Variants in PCDHGA2 observed in about 807,000 individuals in gnomAD.
PCDHGA2 encodes the protein protocadherin gamma subfamily A, 2.
Under a neutral mutation model 59.2 loss-of-function variants are expected in PCDHGA2, and 40 were observed. The ratio of observed to expected loss-of-function variants is 0.68; its 90% CI spans 0.52 to 0.88. The LOEUF (loss-of-function observed/expected upper bound fraction) is 0.88. PCDHGA2 is among the 40% of genes least tolerant of loss of function. The pLI is 0.00. For synonymous variants in PCDHGA2, 560 were observed against 526.0 expected, an observed-to-expected ratio of 1.06 and a Z score of -0.89; for missense variants, 1,226 against 1,204.0, an observed-to-expected ratio of 1.02 and a Z score of -0.27.
At position 141,414,719 on chromosome 5, in the gene PCDHGA2, C is replaced by T. The variant is rs1361757630; in HGVS notation, c.2424+73324C>T. On this transcript the variant is annotated intron_variant, in intron 1 of 3. Transcript: ENST00000394576. ...TCATACATATCCATCAACTCAGACA[C>T]TGGCGTCCTGTATGCACTCAGATCC... The T allele has an allele frequency of 1.2e-6, 2 of 1,614,050 alleles. No individual in the cohort carries two copies. Among genetic ancestry groups the T allele is most frequent in the African/African-American group, 1.3e-5 (1 of 74,934 alleles).
intron 1 of PCDHGA2, chr5:141,370,674 G>A: frequency 1.9e-6 from 3 of 1,613,890 alleles, no homozygotes; most frequent in South Asian, 1.1e-5. Flanking sequence ...AGACCGAGAG[G>A]AGATTTGTGG....
At chr5:141,424,698 T>G (rs1214214315) in intron 1 of PCDHGA2, 1 of 152,228 alleles carries the variant, frequency 6.6e-6, no homozygotes, top group Non-Finnish European at 1.5e-5. Context: ...GCTATTTTTT[T>G]GTTCATTTTC....
intron 1 of PCDHGA2, chr5:141,402,792 A>G (rs947158745): frequency 1.4e-5 from 14 of 1,008,956 alleles, no homozygotes; most frequent in Admixed American, 3.1e-5. Flanking sequence ...CTGCGGCTAC[A>G]CAAAACCCGG....
At chr5:141,415,828 G>A (rs1178303711) in intron 1 of PCDHGA2, 4 of 1,293,274 alleles carry the variant, frequency 3.1e-6, no homozygotes, top group Non-Finnish European at 3.0e-6. Flanking sequence ...ATAAGGCTTT[G>A]TTATGATTAG....
chr5:141,510,272 TAAA>T (rs546154379), intron 3 of PCDHGA2, among the ~76,000 whole-genome samples: 2 of 130,370 alleles, frequency 1.5e-5, no homozygotes, highest in Non-Finnish European at 3.3e-5. Context: ...GACTCCATCT[TAAA>T]AAAAAAAAAA....
At position 141,364,632 on chromosome 5, in the gene PCDHGA2, T is replaced by C. The variant is rs377270205; in HGVS notation, c.2424+23237T>C. The C allele has an allele frequency of 1.1e-5, 17 of 1,614,024 alleles. No homozygotes were observed. The African/African-American group carries it at 2.3e-4, about 22-fold the overall frequency. Reference sequence around the variant, plus strand: ...GAGGAGCTCTGCGCTCAGAGCCCACTGTGTGTGGTGAACTTTAACATCTTG... The same window carrying C: ...GAGGAGCTCTGCGCTCAGAGCCCACCGTGTGTGGTGAACTTTAACATCTTG... On this transcript the variant is annotated intron_variant, in intron 1 of 3. Coordinates refer to ENST00000394576, the MANE Select transcript of PCDHGA2 (RefSeq NM_018915.4).
chr5:141,418,478 G>C (rs777772131), intron 1 of PCDHGA2: 1 of 1,613,976 alleles, frequency 6.2e-7, no homozygotes, highest in Non-Finnish European at 8.5e-7. Context: ...AACGCAGAGC[G>C]CTCACCACTT....
At chr5:141,510,824 A>G (rs947400590) in intron 3 of PCDHGA2, 123 bp from the exon 4 acceptor site, 2 of 1,563,416 alleles carry the variant, frequency 1.3e-6, no homozygotes, top group Non-Finnish European at 1.7e-6. Flanking sequence ...CTATATTCCC[A>G]GTGCTCAGCG....
At chr5:141,365,192 A>G (rs1163553261) in intron 1 of PCDHGA2, 2 of 1,613,812 alleles carry the variant, frequency 1.2e-6, no homozygotes, top group African/African-American at 2.7e-5. Context: ...AGAAGAAAAA[A>G]TTTCGGAGAC....
In PCDHGA2 at chr5:141,500,938, G is replaced by A. The variant is rs1317178701; in HGVS notation, c.2484-4455G>A. On this transcript the variant is annotated intron_variant, in intron 2 of 3. Transcript: ENST00000394576. Reference sequence around the variant, plus strand: ...GGCTGGGGTGCAGTGGCGCCATCTCGGCTCACTGCAAGCTCCACCTCCTGG... The same window carrying A: ...GGCTGGGGTGCAGTGGCGCCATCTCAGCTCACTGCAAGCTCCACCTCCTGG... 2.6e-5 allele frequency among the ~76,000 whole-genome samples: 4 copies of A among 151,060 alleles called. No homozygotes were observed. The East Asian group carries it at 5.8e-4, about 22-fold the overall frequency.
chr5:141,498,807 C>G (rs113587634), intron 2 of PCDHGA2, among the ~76,000 whole-genome samples: 1 of 152,030 alleles, frequency 6.6e-6, no homozygotes, highest in Non-Finnish European at 1.5e-5. Flanking sequence ...GTGGTGCACA[C>G]CTGTAGTCCC....
At chr5:141,428,613 C>T (rs1247239314) in intron 1 of PCDHGA2, 1 of 212,608 alleles carries the variant, frequency 4.7e-6, no homozygotes, top group African/African-American at 2.3e-5. Flanking sequence ...AAGAGAATAA[C>T]AAGATAAGCT....
At position 141,489,369 on chromosome 5, in the gene PCDHGA2, G is replaced by T; in HGVS notation, c.2425-5438G>T. ...TGGTGGAGGAGTCTGAGCCGGGGAC[G>T]CTGGTGGGGAATGTTGCTCAGGATC... On this transcript the variant is annotated intron_variant, in intron 1 of 3. Coordinates refer to ENST00000394576, the MANE Select transcript of PCDHGA2 (RefSeq NM_018915.4). This position sits in a 1 kb window ranked among gnomAD's most constrained non-coding sequence, Gnocchi z 4.5. 6.2e-7 allele frequency: 1 copy of T among 1,613,592 alleles called. No homozygotes were observed.
chr5:141,359,893 T>C, intron 1 of PCDHGA2: 1 of 393,452 alleles, frequency 2.5e-6, no homozygotes, highest in Non-Finnish European at 4.5e-6. Flanking sequence ...TTAGCAAATA[T>C]TGACAAGCCA....
intron 1 of PCDHGA2, chr5:141,352,223 A>G (rs770322900): frequency 1.2e-6 from 2 of 1,614,072 alleles, no homozygotes; most frequent in Non-Finnish European, 1.7e-6. Context: ...CGCCACCGCC[A>G]CGCTGCACCT....
intron 1 of PCDHGA2, chr5:141,395,266 T>C (rs1369566717): frequency 1.9e-6 from 3 of 1,548,854 alleles, no homozygotes; most frequent in Non-Finnish European, 8.7e-7. Context: ...TTGCTTTTAA[T>C]TTCCAGATGA....
At chr5:141,390,523 G>A in intron 1 of PCDHGA2, 1 of 556,304 alleles carries the variant, frequency 1.8e-6, no homozygotes, top group Non-Finnish European at 3.1e-6. Context: ...AGCAATGAGG[G>A]TGTGGTTTTA....
At chr5:141,360,889 A>C (rs1761788263) in intron 1 of PCDHGA2, 1 of 1,614,032 alleles carries the variant, frequency 6.2e-7, no homozygotes, top group Non-Finnish European at 8.5e-7. Context: ...GGTCACCCTG[A>C]GGGAGGACGT....
At chr5:141,388,742 G>C (rs1340234849) in intron 1 of PCDHGA2, 1 of 1,613,886 alleles carries the variant, frequency 6.2e-7, no homozygotes, top group Non-Finnish European at 8.5e-7. Context: ...AAGCTAGCCA[G>C]ATCACCCAAT....
Sources: gnomAD v4.1 joint callset for allele counts (sites outside exome capture counted in the v4.1 genomes callset) on GRCh38, gnomAD v4.1.1 for gene constraint, Gnocchi (gnomAD v3.1) non-coding constraint, MANE v1.5 for transcripts, NCBI Gene and HGNC (gene_info 2026-07-23, HGNC 2026-07-21) for gene names.